GOLGA8B: variants seen among roughly 807,000 people sequenced by gnomAD.
GOLGA8B encodes the protein golgin A8 family member B.
In GOLGA8B, 1 loss-of-function variant was observed where a neutral mutation model predicts 15.6. The ratio of observed to expected loss-of-function variants is 0.06; its 90% CI spans 0.02 to 0.30. GOLGA8B has a LOEUF of 0.30. Ranked by LOEUF, GOLGA8B falls within the 10% of genes least tolerant of loss-of-function variation. GOLGA8B has a pLI of 1.00. For missense variants in GOLGA8B, 17 were observed against 201.3 expected (o/e 0.08, Z 5.54); for synonymous variants, 9 against 80.3 (o/e 0.11, Z 4.75).
intron 1 of GOLGA8B, among the ~76,000 whole-genome samples, chr15:34,582,158 C>G (rs1889254258): frequency 6.6e-6 from 1 of 152,186 alleles, no homozygotes; most frequent in Non-Finnish European, 1.5e-5. Context: ...ACTCCCCGGA[C>G]TGGGAAACCC....
chr15:34,580,752 C>T (rs181614918), intron 1 of GOLGA8B, among the ~76,000 whole-genome samples: 47 of 152,198 alleles, frequency 3.1e-4, no homozygotes, highest in African/African-American at 1.1e-3. Flanking sequence ...AGGCCAACCA[C>T]CATCCAAGGG....
chr15:34,580,981 C>T (rs1462763848), intron 1 of GOLGA8B, among the ~76,000 whole-genome samples: 2 of 152,160 alleles, frequency 1.3e-5, no homozygotes, highest in Admixed American at 6.5e-5. Flanking sequence ...CAGCCAGGGC[C>T]GCCACCCAGG....
intron 1 of GOLGA8B, among the ~76,000 whole-genome samples, chr15:34,562,692 G>T (rs1412912052): frequency 4.4e-5 from 5 of 112,632 alleles, no homozygotes; most frequent in Non-Finnish European, 1.0e-4. Flanking sequence ...TTTTTAAAAT[G>T]CCCCCTTTTG....
intron 1 of GOLGA8B, among the ~76,000 whole-genome samples, chr15:34,557,948 T>C (rs1888535520): frequency 1.7e-5 from 2 of 118,106 alleles, no homozygotes; most frequent in African/African-American, 3.0e-5. Context: ...CCTAATCCTA[T>C]GTCACATAAT....
At chr15:34,575,239 G>A (rs907773909) in intron 1 of GOLGA8B, among the ~76,000 whole-genome samples, 9 of 151,862 alleles carry the variant, frequency 5.9e-5, no homozygotes, top group South Asian at 2.1e-4. Flanking sequence ...GCGGTGCCTC[G>A]GCCAGACACC....
chr15:34,550,819 C>G (rs1888371473), intron 4 of GOLGA8B, among the ~76,000 whole-genome samples: 1 of 140,100 alleles, frequency 7.1e-6, no homozygotes, highest in African/African-American at 2.8e-5. Flanking sequence ...CATAGTGAGA[C>G]CCCATCTCTA....
rs1050329038 is a variant in GOLGA8B, at chr15:34,564,148, G to A, written c.-1122-10192C>T. Among the ~76,000 whole-genome samples, 2 of 144,882 alleles carry A rather than the reference G, an allele frequency of 1.4e-5. 1 individual carries two copies. The highest frequency in any genetic ancestry group is 3.1e-5 in the Non-Finnish European group (2 of 64,518). On this transcript the variant is annotated intron_variant, in intron 1 of 23. Transcript: ENST00000683415. ...GTGCTATTGGCATCTCTTGGGTAGA[G>A]GGGGTGTTACTAAACGTCCTACAAC...
At chr15:34,578,088 C>A (rs909596099) in intron 1 of GOLGA8B, among the ~76,000 whole-genome samples, 1 of 152,150 alleles carries the variant, frequency 6.6e-6, no homozygotes, top group Non-Finnish European at 1.5e-5. Context: ...TCCTAAATGT[C>A]AGTAGTGTTC....
In GOLGA8B at chr15:34,525,148, A is replaced by G. The variant is rs1208720719; in HGVS notation, c.*2484T>C. 6.7e-6 allele frequency: 1 copy of G among 149,828 alleles called. No individual in the cohort carries two copies. Among genetic ancestry groups the G allele is most frequent in the Non-Finnish European group, 1.5e-5 (1 of 67,272 alleles). The allele number at this position is 149,828 out of a possible 1,614,324, so 9.3% of individuals were successfully genotyped here. On this transcript the variant is annotated 3_prime_UTR_variant, in exon 24 of 24. Coordinates refer to ENST00000683415, the MANE Select transcript of GOLGA8B (RefSeq NM_001023567.5). ...GTGTTCTTTTAATAAACACTTGCAT[A>G]GTTATACTACAATTTTGTGAAAATG...
At chr15:34,581,167 C>T (rs1245463130) in intron 1 of GOLGA8B, among the ~76,000 whole-genome samples, 1 of 152,226 alleles carries the variant, frequency 6.6e-6, no homozygotes, top group East Asian at 1.9e-4. Flanking sequence ...ATGGTGTCAC[C>T]TGAGGCCCAC....
chr15:34,526,663 T>C lies in GOLGA8B; in HGVS notation c.*969A>G, dbSNP rs1888063382. 1.3e-5 allele frequency: 2 copies of C among 149,322 alleles called. No individual in the cohort carries two copies. Among genetic ancestry groups the C allele is most frequent in the South Asian group, 4.3e-4 (2 of 4,678 alleles). 9.2% of individuals were successfully genotyped at this position (149,322 alleles called of 1,614,324 possible). A position where few individuals can be genotyped will look rare whatever the true frequency, so the allele number is the denominator to read the frequency against. ...TAAGAAGAATGCCAACCAGCGCCCTTTCGTGTACTGGGACAGGTAGTCATG... is the reference window on the plus strand; with the variant it reads ...TAAGAAGAATGCCAACCAGCGCCCTCTCGTGTACTGGGACAGGTAGTCATG... On this transcript the variant is annotated 3_prime_UTR_variant, in exon 24 of 24. Coordinates refer to ENST00000683415, the MANE Select transcript of GOLGA8B (RefSeq NM_001023567.5).
At position 34,566,206 on chromosome 15, in the gene GOLGA8B, T is replaced by G. The variant is rs1025877464; in HGVS notation, c.-1122-12250A>C. The stretch of plus-strand genomic sequence containing the variant: ...TGGGGGAGGCGGAAAGGGGAGTTAG[T>G]GGACACAGAGTTTCAGATTGCAAGA... On this transcript the variant is annotated intron_variant, in intron 1 of 23. Coordinates refer to ENST00000683415, the MANE Select transcript of GOLGA8B (RefSeq NM_001023567.5). 13 of 140,672 alleles carry G rather than the reference T, an allele frequency of 9.2e-5. 3 individuals carry two copies. The highest frequency in any genetic ancestry group is 1.8e-4 in the Non-Finnish European group (11 of 60,880). The allele number at this position is 140,672 out of a possible 1,614,324, so 8.7% of individuals were successfully genotyped here.
In GOLGA8B at chr15:34,583,548, G is replaced by GCCGTCCTCGCCGCGCCA. The variant is rs1279564047; in HGVS notation, c.-1156_-1155insTGGCGCGGCGAGGACGG. 1 of 152,204 alleles carries GCCGTCCTCGCCGCGCCA rather than the reference G, an allele frequency of 6.6e-6. No individual in the cohort carries two copies. Among genetic ancestry groups the GCCGTCCTCGCCGCGCCA allele is most frequent in the Non-Finnish European group, 1.5e-5 (1 of 68,150 alleles). 9.4% of individuals were successfully genotyped at this position (152,204 alleles called of 1,614,324 possible). A position where few individuals can be genotyped will look rare whatever the true frequency, so the allele number is the denominator to read the frequency against. Reference sequence around the variant, plus strand: ...GGGCGCGGGGCTGCCCCGGTCCGCCGCCGTCCTCGCCCCGCAGCCGCCGGC... The same window carrying GCCGTCCTCGCCGCGCCA: ...GGGCGCGGGGCTGCCCCGGTCCGCCGCCGTCCTCGCCGCGCCACCGTCCTCGCCCCGCAGCCGCCGGC... On this transcript the variant is annotated 5_prime_UTR_variant, in exon 1 of 24. Transcript: ENST00000683415.
intron 1 of GOLGA8B, among the ~76,000 whole-genome samples, chr15:34,576,420 T>C (rs1171648027): frequency 6.6e-6 from 1 of 152,214 alleles, no homozygotes; most frequent in Admixed American, 6.5e-5. Context: ...TCAGGAGTTC[T>C]TGGTCTGGAG....
At chr15:34,573,536 CAAAAAAAAAAAAAA>C (rs60984933) in intron 1 of GOLGA8B, among the ~76,000 whole-genome samples, 1 of 86,844 alleles carries the variant, frequency 1.2e-5, no homozygotes, top group African/African-American at 5.3e-5. Context: ...GACTCCGTCT[CAAAAAAAAAAAAAA>C]AAAAAAAAAA....
At chr15:34,572,843 A>G (rs1010479266) in intron 1 of GOLGA8B, among the ~76,000 whole-genome samples, 4 of 152,192 alleles carry the variant, frequency 2.6e-5, no homozygotes, top group African/African-American at 9.7e-5. Flanking sequence ...GTTAGGCGCC[A>G]CCCCCGTTGA....
Position 34,573,589 on chromosome 15 carries a change from G to C in GOLGA8B, c.-1123+9927C>G, listed in dbSNP as rs559375145. On this transcript the variant is annotated intron_variant, in intron 1 of 23. Coordinates refer to ENST00000683415, the MANE Select transcript of GOLGA8B (RefSeq NM_001023567.5). The stretch of plus-strand genomic sequence containing the variant: ...TTCACCAGAAGTTCCCAAGGAATTT[G>C]CTTCCACACATAGAAAATAATCGAG... Among the ~76,000 whole-genome samples, 236 of 149,490 alleles carry C rather than the reference G, an allele frequency of 1.6e-3. 1 individual carries two copies. The highest frequency in any genetic ancestry group is 2.4e-3 in the South Asian group (11 of 4,680).
rs575871880 is a variant in GOLGA8B at position 34,567,960 on chromosome 15, G to A, written c.-1122-14004C>T. On this transcript the variant is annotated intron_variant, in intron 1 of 23. Coordinates refer to ENST00000683415, the MANE Select transcript of GOLGA8B (RefSeq NM_001023567.5). ...TTTCAGAACCCATCCCAAACTGGAA[G>A]GAAGGATACGACTGAAACTCAACTC... Among the ~76,000 whole-genome samples the A allele has an allele frequency of 3.4e-3, 514 of 151,568 alleles. 3 individuals are homozygous for A. The highest frequency in any genetic ancestry group is 9.2e-3 in the Admixed American group (140 of 15,270).
intron 7 of GOLGA8B, among the ~76,000 whole-genome samples, chr15:34,543,356 C>CT (rs142195279): frequency 4.0e-4 from 55 of 135,988 alleles, no homozygotes; most frequent in East Asian, 3.4e-3. Flanking sequence ...TCTTCTTCTT[C>CT]TTTTTTTTTT....
Sources: gnomAD v4.1 joint callset for allele counts (sites outside exome capture counted in the v4.1 genomes callset) on GRCh38, gnomAD v4.1.1 for gene constraint, MANE v1.5 for transcripts, NCBI Gene and HGNC (gene_info 2026-07-23, HGNC 2026-07-21) for gene names.